The following PRKN variants were observed in gnomAD, a reference collection of about 807,000 sequenced individuals.
PRKN encodes the protein parkin RBR E3 ubiquitin protein ligase, also known as E3 ubiquitin-protein ligase parkin.
Under a neutral mutation model 59.5 loss-of-function variants are expected in PRKN, and 56 were observed. The ratio of observed to expected loss-of-function variants is 0.94; its 90% CI spans 0.76 to 1.18. The LOEUF (loss-of-function observed/expected upper bound fraction) is 1.18, where lower values mean the gene tolerates loss of function less well. Among genes scored for constraint, PRKN ranks in the 50% most tolerant of loss-of-function variants. The pLI is 0.00. For missense variants in PRKN, 657 were observed against 596.4 expected, an observed-to-expected ratio of 1.10 and a Z score of -1.06; for synonymous variants, 250 against 222.1, an observed-to-expected ratio of 1.13 and a Z score of -1.12.
chr6:161,677,321 A>G (rs2144210), intron 7 of PRKN, among the ~76,000 whole-genome samples: 45,563 of 151,946 alleles, frequency 0.3, 7,385 homozygotes, highest in Admixed American at 0.46. Context: ...GGGAAGTGGC[A>G]TTGCGAGAGA....
chr6:162,493,383 C>T (rs191767353), intron 1 of PRKN, among the ~76,000 whole-genome samples: 2 of 152,014 alleles, frequency 1.3e-5, no homozygotes, highest in African/African-American at 2.4e-5. Context: ...TTTTCAGATG[C>T]GGTTGGTTAC....
chr6:162,099,017 T>C (rs1779858576), intron 4 of PRKN, among the ~76,000 whole-genome samples: 1 of 141,450 alleles, frequency 7.1e-6, no homozygotes, highest in Non-Finnish European at 1.6e-5. Flanking sequence ...ACTATAGCTT[T>C]TAATAAAAGC....
chr6:162,254,141 T>A (rs1225228497), intron 3 of PRKN, among the ~76,000 whole-genome samples: 1 of 152,106 alleles, frequency 6.6e-6, no homozygotes, highest in Admixed American at 6.6e-5. Flanking sequence ...TAGGTAAAGA[T>A]CCATGTATTT....
chr6:161,402,714 G>A lies in PRKN; in HGVS notation c.1084-15837C>T, dbSNP rs566469463. Among the ~76,000 whole-genome samples, 2 of 152,216 alleles carry A rather than the reference G, an allele frequency of 1.3e-5. No homozygotes were observed. The highest frequency in any genetic ancestry group is 2.4e-5 in the African/African-American group (1 of 41,518). ...CCTACAGAACTATATCCTAGATACAGAAAAGAACAGGGGCTTGGGGATTCT... is the reference window on the plus strand; with the variant it reads ...CCTACAGAACTATATCCTAGATACAAAAAAGAACAGGGGCTTGGGGATTCT... On this transcript the variant is annotated intron_variant, in intron 9 of 11. Coordinates refer to ENST00000366898, the MANE Select transcript of PRKN (RefSeq NM_004562.3). This position sits in a 1 kb window ranked among gnomAD's most constrained non-coding sequence, Gnocchi z 4.5.
At chr6:161,732,191 A>G (rs1048078791) in intron 7 of PRKN, among the ~76,000 whole-genome samples, 5 of 151,532 alleles carry the variant, frequency 3.3e-5, no homozygotes, top group African/African-American at 1.2e-4. Flanking sequence ...GGTTCAAGCG[A>G]TTCTCCTGCC....
chr6:161,859,280 C>G (rs1269325447), intron 6 of PRKN, among the ~76,000 whole-genome samples: 2 of 152,102 alleles, frequency 1.3e-5, no homozygotes, highest in East Asian at 1.9e-4. Flanking sequence ...TAATTGCGTA[C>G]CTCTCTCTTC....
chr6:162,709,587 T>C (rs752047551), intron 1 of PRKN, among the ~76,000 whole-genome samples: 18 of 152,164 alleles, frequency 1.2e-4, no homozygotes, highest in Admixed American at 2.0e-4. Flanking sequence ...GCAAGGGCAA[T>C]TGATGCCAAT....
At chr6:162,028,653 G>A (rs750336759) in intron 5 of PRKN, among the ~76,000 whole-genome samples, 91 of 152,218 alleles carry the variant, frequency 6.0e-4, no homozygotes, top group Non-Finnish European at 8.4e-4. Context: ...ATGGAGCAGT[G>A]AATGGAGGGA....
chr6:161,744,361 G>C (rs1162792576), intron 7 of PRKN, among the ~76,000 whole-genome samples: 1 of 151,922 alleles, frequency 6.6e-6, no homozygotes, highest in African/African-American at 2.4e-5. Flanking sequence ...AACAATAAAA[G>C]CCAGAGGCCA....
chr6:162,317,134 T>G (rs148765231), intron 2 of PRKN, among the ~76,000 whole-genome samples: 9 of 152,126 alleles, frequency 5.9e-5, no homozygotes, highest in African/African-American at 2.2e-4. Context: ...CCTCAACCAT[T>G]TACTTCTTCC....
At chr6:161,522,600 G>A (rs1050862307) in intron 9 of PRKN, among the ~76,000 whole-genome samples, 4 of 152,216 alleles carry the variant, frequency 2.6e-5, no homozygotes, top group Non-Finnish European at 4.4e-5. Flanking sequence ...TGCCCTACAG[G>A]GCACTGCAAC....
chr6:162,647,768 T>C (rs1220006519), intron 1 of PRKN, among the ~76,000 whole-genome samples: 9 of 152,020 alleles, frequency 5.9e-5, no homozygotes, highest in Admixed American at 5.9e-4. Context: ...GAGCTCAGTC[T>C]GATCACAACC....
intron 3 of PRKN, among the ~76,000 whole-genome samples, chr6:162,255,295 A>G (rs1383000407): frequency 6.6e-6 from 1 of 152,112 alleles, no homozygotes; most frequent in Non-Finnish European, 1.5e-5. Context: ...TGAACTAGAA[A>G]GCAAAGGGAT....
chr6:161,496,203 T>C (rs983923485), intron 9 of PRKN, among the ~76,000 whole-genome samples: 11 of 152,228 alleles, frequency 7.2e-5, no homozygotes, highest in Middle Eastern at 3.2e-3. Flanking sequence ...AGAATGACAG[T>C]GCACACAGGC....
intron 1 of PRKN, among the ~76,000 whole-genome samples, chr6:162,641,490 C>T (rs1777956987): frequency 6.6e-6 from 1 of 151,904 alleles, no homozygotes; most frequent in Non-Finnish European, 1.5e-5. Context: ...ATCAACGTGG[C>T]AAACAGAAGA....
At chr6:162,611,960 C>T (rs571243422) in intron 1 of PRKN, among the ~76,000 whole-genome samples, 76 of 151,136 alleles carry the variant, frequency 5.0e-4, no homozygotes, top group East Asian at 4.9e-3. Context: ...CCAAGGCGGG[C>T]GTATCATAAG....
chr6:162,218,100 GC>G (rs1457422440), intron 3 of PRKN, among the ~76,000 whole-genome samples: 3 of 152,154 alleles, frequency 2.0e-5, no homozygotes, highest in East Asian at 3.8e-4. Flanking sequence ...GCCAGCCACA[GC>G]CCTCCAGAGG....
At chr6:162,408,027 A>G (rs1366843209) in intron 2 of PRKN, among the ~76,000 whole-genome samples, 1 of 152,102 alleles carries the variant, frequency 6.6e-6, no homozygotes. Context: ...TAAATTAGCC[A>G]CTATGATATC....
chr6:161,794,041 C>T (rs975876035), intron 6 of PRKN, among the ~76,000 whole-genome samples: 5 of 152,096 alleles, frequency 3.3e-5, no homozygotes, highest in Admixed American at 6.6e-5. Flanking sequence ...CTGTCAGGCA[C>T]GTTCCCTTTC....
Sources: gnomAD v4.1 joint callset for allele counts (sites outside exome capture counted in the v4.1 genomes callset) on GRCh38, gnomAD v4.1.1 for gene constraint, Gnocchi (gnomAD v3.1) non-coding constraint, MANE v1.5 for transcripts, NCBI Gene and HGNC (gene_info 2026-07-23, HGNC 2026-07-21) for gene names.